ZNF333: variants seen among roughly 807,000 people sequenced by gnomAD.
The protein encoded by ZNF333 is zinc finger protein 333.
A neutral mutation model predicts 76.1 loss-of-function variants in ZNF333; 61 were observed. The observed-to-expected ratio is 0.80, with a 90% CI of 0.65 to 0.99. The LOEUF is 0.99. Ranked by LOEUF, ZNF333 falls within the 50% of genes least tolerant of loss-of-function variation. The pLI, the probability that ZNF333 is intolerant of heterozygous loss-of-function variation, is 0.00. For missense variants in ZNF333, 717 were observed against 822.4 expected (o/e 0.87, Z 1.57); for synonymous variants, 284 against 305.0 (o/e 0.93, Z 0.72).
Position 14,718,445 on chromosome 19 carries a change from A to T in ZNF333, c.1118A>T (p.Lys373Ile). 1.2e-6 allele frequency: 2 copies of T among 1,614,188 alleles called. No individual in the cohort carries two copies. The highest frequency in any genetic ancestry group is 1.7e-6 in the Non-Finnish European group (2 of 1,180,040). The change falls in exon 12 of 12, where the codon AAA (lysine) becomes ATA (isoleucine). Residue 373 changes from lysine (K) to isoleucine (I), a missense_variant. Coordinates refer to ENST00000292530, the MANE Select transcript of ZNF333 (RefSeq NM_032433.4). ...DKSYACNKCE[K>I]SFRYSSDLIR... ...TCCTATGCATGTAACAAATGTGAAAAATCCTTCAGATACAGCTCTGACCTT... is the reference window on the plus strand; with the variant it reads ...TCCTATGCATGTAACAAATGTGAAATATCCTTCAGATACAGCTCTGACCTT...
In ZNF333 at chr19:14,716,975, G is replaced by A. The variant is rs781261541; in HGVS notation, c.728-19G>A. ...ATGGCACAGTCCTCGCACAACATGT[G>A]TTTTTTTCTCATGAGCAGCTGATCA... On this transcript the variant is annotated intron_variant, in intron 9 of 11. Transcript: ENST00000292530. The A allele has an allele frequency of 5.0e-6, 8 of 1,602,510 alleles. No individual in the cohort carries two copies. The highest frequency in any genetic ancestry group is 6.8e-6 in the Non-Finnish European group (8 of 1,173,100).
chr19:14,727,174 T>A (rs1018234809), intron 11 of ZNF333, among the ~76,000 whole-genome samples: 1 of 152,048 alleles, frequency 6.6e-6, no homozygotes, highest in South Asian at 2.1e-4. Context: ...ACTACAGGTG[T>A]CCGCCACCAC....
At chr19:14,712,954 A>G (rs957387670) in intron 7 of ZNF333, among the ~76,000 whole-genome samples, 3 of 152,128 alleles carry the variant, frequency 2.0e-5, no homozygotes, top group African/African-American at 7.2e-5. Context: ...TGTCCTTTCC[A>G]CATGCAAAAT....
At position 14,705,044 on chromosome 19, in the gene ZNF333, C is replaced by G. The variant is rs751473737; in HGVS notation, c.307-10C>G. On this transcript the variant is annotated splice_polypyrimidine_tract_variant and intron_variant, in intron 5 of 11. Coordinates refer to ENST00000292530, the MANE Select transcript of ZNF333 (RefSeq NM_032433.4). The stretch of plus-strand genomic sequence containing the variant: ...TCTGTCCTGCTCAGCACCCTCTTGT[C>G]TTTTGCCAGGGGCCGGGGCTGTTCC... The G allele has an allele frequency of 3.7e-6, 6 of 1,613,058 alleles. No homozygotes were observed. The highest frequency in any genetic ancestry group is 1.7e-5 in the Admixed American group (1 of 59,950).
At position 14,712,617 on chromosome 19, in the gene ZNF333, G is replaced by A. The variant is rs967847577; in HGVS notation, c.512-2765G>A. ...GGGCCGTGCTCCCTCTGATGGCTCG[G>A]GGGGGAGGATCCTGCCACCTGCTTT... On this transcript the variant is annotated intron_variant, in intron 7 of 11. Coordinates refer to ENST00000292530, the MANE Select transcript of ZNF333 (RefSeq NM_032433.4). 3.3e-5 allele frequency among the ~76,000 whole-genome samples: 5 copies of A among 152,058 alleles called. No individual in the cohort carries two copies. The East Asian group carries it at 9.6e-4, about 29-fold the overall frequency.
chr19:14,709,163 T>C (rs893480189), intron 7 of ZNF333: 6 of 153,416 alleles, frequency 3.9e-5, no homozygotes, highest in African/African-American at 1.4e-4. Flanking sequence ...CCTTCCGCCA[T>C]GATTGTAAGT....
chr19:14,701,626 C>T, intron 5 of ZNF333: 3 of 985,438 alleles, frequency 3.0e-6, no homozygotes, highest in South Asian at 9.4e-5. Context: ...GGAGAATGAG[C>T]AACGAGGGCC....
chr19:14,714,304 A>G (rs965028507), intron 7 of ZNF333, among the ~76,000 whole-genome samples: 1 of 152,294 alleles, frequency 6.6e-6, no homozygotes, highest in South Asian at 2.1e-4. Context: ...CCCCAATCCA[A>G]CATGACTGTG....
chr19:14,711,237 A>C (rs2146997474), intron 7 of ZNF333, among the ~76,000 whole-genome samples: 1 of 152,346 alleles, frequency 6.6e-6, no homozygotes, highest in East Asian at 1.9e-4. Flanking sequence ...CAAGCAGTTT[A>C]AGTGGAGCGA....
chr19:14,719,176 C>A lies in ZNF333; in HGVS notation c.1849C>A (p.Pro617Thr). 6.2e-7 allele frequency: 1 copy of A among 1,614,186 alleles called. No individual in the cohort carries two copies. Among genetic ancestry groups the A allele is most frequent in the South Asian group, 1.1e-5 (1 of 91,086 alleles). ...VHVRTHSAGR[P>T]YQCNQCEKAF... Reference sequence around the variant, plus strand: ...TGTGAGAACACACAGTGCCGGGAGACCCTATCAATGTAATCAGTGTGAGAA... The same window carrying A: ...TGTGAGAACACACAGTGCCGGGAGAACCTATCAATGTAATCAGTGTGAGAA... The change falls in exon 12 of 12, where the codon CCC (proline) becomes ACC (threonine). Residue 617 changes from proline (P) to threonine (T), a missense_variant. By Grantham distance (38) the Pro-to-Thr change is conservative (BLOSUM62 -1). Coordinates refer to ENST00000292530, the MANE Select transcript of ZNF333 (RefSeq NM_032433.4).
intron 7 of ZNF333, chr19:14,707,895 ATC>A (rs2042162126): frequency 2.5e-6 from 1 of 400,178 alleles, no homozygotes; most frequent in Admixed American, 4.4e-5. Context: ...TGTGTCTGGA[ATC>A]TCTGTTTTCT....
At position 14,690,159 on chromosome 19, in the gene ZNF333, C is replaced by T. The variant is rs888828721; in HGVS notation, c.-42+9C>T. 3.6e-5 allele frequency: 2 copies of T among 55,546 alleles called. No homozygotes were observed. The highest frequency in any genetic ancestry group is 6.3e-5 in the Non-Finnish European group (2 of 31,924). 3.4% of individuals were successfully genotyped at this position (55,546 alleles called of 1,614,324 possible). A position where few individuals can be genotyped will look rare whatever the true frequency, so the allele number is the denominator to read the frequency against. On this transcript the variant is annotated intron_variant, in intron 1 of 11. Coordinates refer to ENST00000292530, the MANE Select transcript of ZNF333 (RefSeq NM_032433.4). The stretch of plus-strand genomic sequence containing the variant: ...CTCCGGCTGGCTTGCAGGTGTGGCC[C>T]GGCCCCTCGGGAGGGCGGGGAGGGC...
intron 4 of ZNF333, among the ~76,000 whole-genome samples, chr19:14,697,800 T>G (rs1973330894): frequency 6.6e-6 from 1 of 152,244 alleles, no homozygotes; most frequent in Admixed American, 6.5e-5. Context: ...GTACACCATT[T>G]TACATTCCCA....
intron 11 of ZNF333, among the ~76,000 whole-genome samples, chr19:14,729,095 T>C (rs1210096249): frequency 2.6e-5 from 4 of 152,140 alleles, no homozygotes; most frequent in Admixed American, 2.0e-4. Context: ...ATGTGAGTTA[T>C]TGATTAGTGC....
At chr19:14,698,893 AATATAGATATATATATATATATATATAT>A (rs1044218496) in intron 4 of ZNF333, among the ~76,000 whole-genome samples, 1 of 113,064 alleles carries the variant, frequency 8.8e-6, no homozygotes, top group Non-Finnish European at 1.8e-5. Flanking sequence ...CACACACACA[AATATAGATATATATATATATATATATAT>A]ATATATATAT....
intron 9 of ZNF333, among the ~76,000 whole-genome samples, 158 bp downstream of exon 9, chr19:14,716,396 C>A (rs2042432712): frequency 6.6e-6 from 1 of 151,964 alleles, no homozygotes; most frequent in Admixed American, 6.6e-5. Context: ...GTAGCTGGGA[C>A]CACAGGGTGC....
rs554804556 is a variant in ZNF333 at position 14,702,504 on chromosome 19, G to A, written c.307-2550G>A. On this transcript the variant is annotated intron_variant, in intron 5 of 11. Coordinates refer to ENST00000292530, the MANE Select transcript of ZNF333 (RefSeq NM_032433.4). ...ACCACTGCTCTCCAGCCTGGGTGAC[G>A]GAGCAGGATTCTGTCTCAAAAAAAG... Among the ~76,000 whole-genome samples the A allele has an allele frequency of 5.3e-5, 8 of 152,066 alleles. No individual in the cohort carries two copies. The East Asian group carries it at 1.5e-3, about 29-fold the overall frequency.
chr19:14,709,973 G>C (rs762642042), intron 7 of ZNF333, among the ~76,000 whole-genome samples: 2 of 152,224 alleles, frequency 1.3e-5, no homozygotes, highest in Admixed American at 1.3e-4. Context: ...CTGTTGGGCT[G>C]TCAGGAGGTT....
chr19:14,716,214 A>C lies in ZNF333; in HGVS notation c.703A>C (p.Asn235His). 1 of 1,613,462 alleles carries C rather than the reference A, an allele frequency of 6.2e-7. No individual in the cohort carries two copies. Among genetic ancestry groups the C allele is most frequent in the Non-Finnish European group, 8.5e-7 (1 of 1,179,918 alleles). The part of the protein sequence containing the change: ...RSLYRDVMLE[N>H]YRNLASVADQ... The stretch of plus-strand genomic sequence containing the variant: ...CCTGTATAGAGATGTGATGCTGGAG[A>C]ACTACAGGAACCTGGCCTCTGTGGG... Residue 235 changes from asparagine to histidine, a missense_variant, in exon 9 of 12, where the codon AAC (asparagine) becomes CAC (histidine). Transcript: ENST00000292530.
Sources: allele counts gnomAD v4.1 joint callset (sites outside exome capture counted in the v4.1 genomes callset), GRCh38; gene constraint gnomAD v4.1.1; transcripts MANE v1.5; gene names NCBI Gene and HGNC (gene_info 2026-07-23, HGNC 2026-07-21).